ST3GAL6: variants seen among roughly 807,000 people sequenced by gnomAD.
The protein encoded by ST3GAL6 is ST3 beta-galactoside alpha-2,3-sialyltransferase 6.
In ST3GAL6, 31 loss-of-function variants were observed where a neutral mutation model predicts 40.5. The ratio of observed to expected loss-of-function variants is 0.77; its 90% CI spans 0.58 to 1.03. ST3GAL6 has a LOEUF of 1.03. Ranked by LOEUF, ST3GAL6 falls within the 50% of genes least tolerant of loss-of-function variation. ST3GAL6 has a pLI of 0.00. For synonymous variants in ST3GAL6, 129 were observed against 136.9 expected (o/e 0.94, Z 0.40); for missense variants, 357 against 393.2 (o/e 0.91, Z 0.78).
chr3:98,761,033 G>A (rs1937701361), upstream of ST3GAL6, among the ~76,000 whole-genome samples: 1 of 152,206 alleles, frequency 6.6e-6, no homozygotes, highest in South Asian at 2.1e-4. Flanking sequence ...AGTGATAGCA[G>A]ATCAGGCTGC....
chr3:98,750,065 G>C (rs1173342765), intron 1 of ST3GAL6, among the ~76,000 whole-genome samples: 2 of 152,024 alleles, frequency 1.3e-5, no homozygotes, highest in Admixed American at 1.3e-4. Flanking sequence ...AGAGACACAT[G>C]ATTTTTTTTT....
At chr3:98,732,702 C>T in intron 1 of ST3GAL6, 1 of 685,914 alleles carries the variant, frequency 1.5e-6, no homozygotes, top group Non-Finnish European at 2.2e-6. Context: ...GCGCTCGGCG[C>T]AGTCGCCCGG....
At chr3:98,740,225 CTTTTTTTT>C (rs764868667) in intron 1 of ST3GAL6, among the ~76,000 whole-genome samples, 2 of 122,150 alleles carry the variant, frequency 1.6e-5, no homozygotes, top group African/African-American at 6.2e-5. Context: ...TTGCAAAACA[CTTTTTTTT>C]TTTTTTTTTT....
At chr3:98,746,881 C>CT (rs2107315451) in intron 1 of ST3GAL6, among the ~76,000 whole-genome samples, 1 of 152,192 alleles carries the variant, frequency 6.6e-6, no homozygotes, top group East Asian at 1.9e-4. Context: ...GATAATAAAC[C>CT]TTGTTACAAT....
Position 98,788,719 on chromosome 3 carries a change from G to A in ST3GAL6, c.756+256G>A, listed in dbSNP as rs572459383. Among the ~76,000 whole-genome samples, 8 of 152,308 alleles carry A rather than the reference G, an allele frequency of 5.3e-5. No individual in the cohort carries two copies. In the South Asian group the frequency reaches 8.3e-4, roughly 16 times the overall value. The stretch of plus-strand genomic sequence containing the variant: ...TTCCTGGGGTCTCTTTGTGCATGCC[G>A]AAACAATTTATCTTTCATAACTCTG... On this transcript the variant is annotated intron_variant, in intron 8 of 9. Transcript: ENST00000483910.
chr3:98,748,258 A>G (rs549162232), intron 1 of ST3GAL6, among the ~76,000 whole-genome samples: 48 of 152,312 alleles, frequency 3.2e-4, no homozygotes, highest in African/African-American at 1.1e-3. Flanking sequence ...ACTGCCTAAG[A>G]GCAAACCAGC....
intron 1 of ST3GAL6, chr3:98,732,873 G>A (rs762636114): frequency 7.1e-5 from 108 of 1,512,786 alleles, no homozygotes; most frequent in Non-Finnish European, 8.9e-5. Context: ...GATGTGGCAG[G>A]CGCCGCGAGA....
rs963090517 is a variant in ST3GAL6, at chr3:98,768,065, G to A, written c.-11-365G>A. 2.0e-5 allele frequency among the ~76,000 whole-genome samples: 3 copies of A among 152,178 alleles called. No homozygotes were observed. The South Asian group carries it at 6.2e-4, about 32-fold the overall frequency. On this transcript the variant is annotated intron_variant, in intron 1 of 9. Coordinates refer to ENST00000483910, the MANE Select transcript of ST3GAL6 (RefSeq NM_001323368.2). ...TTTCTACTGAGAGAGAAAATAGATA[G>A]GTTTTAATGTTTGTGAAAAAAGTTT...
intron 1 of ST3GAL6, among the ~76,000 whole-genome samples, chr3:98,749,159 ACATT>A (rs762483763): frequency 1.3e-5 from 2 of 152,256 alleles, no homozygotes; most frequent in Non-Finnish European, 2.9e-5. Flanking sequence ...GAAAGTGAAA[ACATT>A]CAGAGTTAAA....
At chr3:98,760,846 T>G (rs844161), upstream of ST3GAL6, among the ~76,000 whole-genome samples, 1 of 151,978 alleles carries the variant, frequency 6.6e-6, no homozygotes, top group East Asian at 1.9e-4. Flanking sequence ...ACTGATAAAT[T>G]AATTGTGGTA....
At chr3:98,732,765 C>G in intron 1 of ST3GAL6, 1 of 1,248,468 alleles carries the variant, frequency 8.0e-7, no homozygotes, top group Non-Finnish European at 1.1e-6. Flanking sequence ...CCCTCCTCTG[C>G]TCCCCCGCCA....
At chr3:98,782,917 A>AAAATTC (rs377174971) in intron 5 of ST3GAL6, 14 of 226,504 alleles carry the variant, frequency 6.2e-5, no homozygotes, top group African/African-American at 1.8e-4. Flanking sequence ...CAGAAGTGTT[A>AAAATTC]CTCAGCTCAG....
At chr3:98,759,947 A>G (rs1937611082), upstream of ST3GAL6, among the ~76,000 whole-genome samples, 1 of 152,200 alleles carries the variant, frequency 6.6e-6, no homozygotes, top group African/African-American at 2.4e-5. Context: ...ATAATACAGG[A>G]AAGACAGTGT....
upstream of ST3GAL6, among the ~76,000 whole-genome samples, chr3:98,758,400 C>T (rs72932653): frequency 8.4e-4 from 128 of 152,188 alleles, no homozygotes; most frequent in African/African-American, 3.0e-3. Flanking sequence ...TTTTTATTTG[C>T]TTGCTTCAAA....
intron 1 of ST3GAL6, among the ~76,000 whole-genome samples, chr3:98,743,837 C>T (rs981420558): frequency 5.9e-5 from 9 of 152,134 alleles, no homozygotes; most frequent in South Asian, 4.2e-4. Context: ...TATTAGGATC[C>T]GTCTGGCTGA....
At chr3:98,788,562 A>C in intron 8 of ST3GAL6, 99 bp downstream of exon 8, 21 of 1,128,522 alleles carry the variant, frequency 1.9e-5, no homozygotes, top group Non-Finnish European at 2.5e-5. Context: ...ACCACAGCTC[A>C]TGAGATGATT....
At chr3:98,745,312 G>A (rs918429340) in intron 1 of ST3GAL6, among the ~76,000 whole-genome samples, 1 of 152,168 alleles carries the variant, frequency 6.6e-6, no homozygotes, top group African/African-American at 2.4e-5. Context: ...AGGATTACAG[G>A]CGTGAGCCAC....
intron 1 of ST3GAL6, among the ~76,000 whole-genome samples, chr3:98,736,336 G>A (rs890587572): frequency 2.0e-5 from 3 of 152,208 alleles, no homozygotes; most frequent in Admixed American, 2.0e-4. Flanking sequence ...ACTTTGCAAT[G>A]TATTTAGTGC....
intron 1 of ST3GAL6, among the ~76,000 whole-genome samples, chr3:98,737,939 A>G (rs1576017820): frequency 2.0e-5 from 3 of 152,282 alleles, no homozygotes; most frequent in East Asian, 1.9e-4. Flanking sequence ...CTCATATTCA[A>G]TTGTAATCCT....
Sources: gnomAD v4.1 joint callset for allele counts (sites outside exome capture counted in the v4.1 genomes callset) on GRCh38, gnomAD v4.1.1 for gene constraint, MANE v1.5 for transcripts, NCBI Gene and HGNC (gene_info 2026-07-23, HGNC 2026-07-21) for gene names.